The following TRIM63 variants were observed in gnomAD, a reference collection of about 807,000 sequenced individuals.
The protein encoded by TRIM63 is tripartite motif containing 63.
A neutral mutation model predicts 46.0 loss-of-function variants in TRIM63; 48 were observed. That is an observed-to-expected ratio of 1.04 (90% CI 0.83 to 1.33). The LOEUF (loss-of-function observed/expected upper bound fraction) is 1.33. Among genes scored for constraint, TRIM63 ranks in the 40% most tolerant of loss-of-function variants. TRIM63 has a pLI of 0.00. For missense variants in TRIM63, 455 were observed against 441.2 expected (o/e 1.03, Z -0.28); for synonymous variants, 175 against 162.8 (o/e 1.08, Z -0.57).
intron 2 of TRIM63, among the ~76,000 whole-genome samples, chr1:26,062,489 G>T (rs919566521): frequency 9.2e-5 from 14 of 152,082 alleles, no homozygotes; most frequent in African/African-American, 2.9e-4. Flanking sequence ...CCCTCTCTGA[G>T]CCATGAGGTT....
intron 4 of TRIM63, among the ~76,000 whole-genome samples, chr1:26,059,103 C>T (rs1457407989): frequency 6.7e-6 from 1 of 148,466 alleles, no homozygotes; most frequent in Non-Finnish European, 1.5e-5. Flanking sequence ...TGGCTCACTG[C>T]AACCTCCACC....
intron 3 of TRIM63, 147 bp downstream of exon 3, chr1:26,061,019 C>T: frequency 1.1e-6 from 1 of 901,122 alleles, no homozygotes; most frequent in Non-Finnish European, 1.7e-6. Flanking sequence ...GCCAGGGCTG[C>T]TGTCCCTGTG....
At chr1:26,053,311 G>A (rs2050538738) in intron 8 of TRIM63, among the ~76,000 whole-genome samples, 1 of 152,116 alleles carries the variant, frequency 6.6e-6, no homozygotes, top group African/African-American at 2.4e-5. Context: ...GGAGTGCAGT[G>A]GCACGATCTC....
chr1:26,061,382 T>A, intron 2 of TRIM63, 48 bp from the exon 3 acceptor site: 1 of 1,589,118 alleles, frequency 6.3e-7, no homozygotes, highest in Non-Finnish European at 8.6e-7. Context: ...TGTCCCTGCA[T>A]CCCCCTCCCC....
At chr1:26,058,988 C>T (rs1402180848) in intron 4 of TRIM63, among the ~76,000 whole-genome samples, 4 of 151,748 alleles carry the variant, frequency 2.6e-5, no homozygotes, top group Non-Finnish European at 5.9e-5. Flanking sequence ...CAACAGTCAC[C>T]CAATGTGGGA....
intron 7 of TRIM63, among the ~76,000 whole-genome samples, chr1:26,055,656 C>T (rs1450726149): frequency 6.6e-6 from 1 of 152,116 alleles, no homozygotes; most frequent in African/African-American, 2.4e-5. Context: ...GGATTACAGG[C>T]ATGCACCACC....
intron 3 of TRIM63, 101 bp from the exon 4 acceptor site, chr1:26,060,462 G>C (rs746744622): frequency 1.2e-6 from 1 of 827,026 alleles, no homozygotes; most frequent in African/African-American, 1.7e-5. Context: ...TCCCCTCTCT[G>C]CTAGAAAGAG....
chr1:26,060,702 G>A (rs1322191552), intron 3 of TRIM63, among the ~76,000 whole-genome samples: 1 of 152,226 alleles, frequency 6.6e-6, no homozygotes, highest in African/African-American at 2.4e-5. Flanking sequence ...AGAGAAGAGT[G>A]GGGAGTAGGG....
intron 2 of TRIM63, among the ~76,000 whole-genome samples, chr1:26,062,695 C>T (rs113291142): frequency 7.4e-4 from 112 of 152,358 alleles, no homozygotes; most frequent in African/African-American, 2.5e-3. Flanking sequence ...TTGAGACCTC[C>T]AACCTGTTAT....
chr1:26,051,760 C>A lies in TRIM63; in HGVS notation c.*113G>T. The A allele has an allele frequency of 1.3e-6, 1 of 798,414 alleles. No individual in the cohort carries two copies. The allele number at this position is 798,414 out of a possible 1,614,324, so 49.5% of individuals were successfully genotyped here. A position where few individuals can be genotyped will look rare whatever the true frequency, so the allele number is the denominator to read the frequency against. On this transcript the variant is annotated 3_prime_UTR_variant, in exon 9 of 9. Transcript: ENST00000374272. Reference sequence around the variant, plus strand: ...GAGAGAAGACATCACCTCCCCATTGCCCCTCCAGGGGCCCCGACCCCTCCC... The same window carrying A: ...GAGAGAAGACATCACCTCCCCATTGACCCTCCAGGGGCCCCGACCCCTCCC...
intron 2 of TRIM63, among the ~76,000 whole-genome samples, chr1:26,064,084 T>G (rs191108674): frequency 1.3e-4 from 20 of 152,192 alleles, no homozygotes; most frequent in African/African-American, 4.8e-4. Flanking sequence ...TTACCTGAGG[T>G]CAGAAGTTCA....
chr1:26,053,775 G>T (rs999123469), intron 8 of TRIM63, 118 bp downstream of exon 8: 2 of 761,264 alleles, frequency 2.6e-6, no homozygotes, highest in African/African-American at 1.8e-5. Context: ...GCACGTGCTG[G>T]GGACAGTTCT....
At chr1:26,053,687 A>G (rs2050542310) in intron 8 of TRIM63, among the ~76,000 whole-genome samples, 1 of 152,190 alleles carries the variant, frequency 6.6e-6, no homozygotes, top group African/African-American at 2.4e-5. Flanking sequence ...AAATGGGAGC[A>G]TTTTATTATG....
intron 2 of TRIM63, 76 bp downstream of exon 2, chr1:26,066,192 G>A (rs1315110529): frequency 5.9e-6 from 9 of 1,522,732 alleles, no homozygotes; most frequent in Admixed American, 3.4e-5. Flanking sequence ...GATGAAGGAG[G>A]GGGAAGGAGC....
chr1:26,066,171 GA>G, intron 2 of TRIM63, 96 bp downstream of exon 2: 1 of 1,393,568 alleles, frequency 7.2e-7, no homozygotes, highest in Admixed American at 1.7e-5. Context: ...TAGAGGCCTG[GA>G]TCCTGAGCAG....
chr1:26,052,356 A>G (rs1433806031), intron 8 of TRIM63, among the ~76,000 whole-genome samples: 1 of 152,050 alleles, frequency 6.6e-6, no homozygotes, highest in Non-Finnish European at 1.5e-5. Flanking sequence ...AGGCTGGCAA[A>G]CTCAGATGCC....
chr1:26,053,485 G>T (rs1476831802), intron 8 of TRIM63, among the ~76,000 whole-genome samples: 1 of 152,180 alleles, frequency 6.6e-6, no homozygotes, highest in Non-Finnish European at 1.5e-5. Context: ...GCCTCCCCAA[G>T]TGCTGGGATT....
intron 2 of TRIM63, among the ~76,000 whole-genome samples, chr1:26,065,945 C>T (rs2997443): frequency 0.024 from 3,692 of 152,290 alleles, 133 homozygotes; most frequent in African/African-American, 0.079. Flanking sequence ...TGTTTCTCAC[C>T]GGGCATTTTC....
At chr1:26,059,208 G>C (rs1045190662) in intron 4 of TRIM63, among the ~76,000 whole-genome samples, 1 of 151,908 alleles carries the variant, frequency 6.6e-6, no homozygotes, top group Non-Finnish European at 1.5e-5. Flanking sequence ...ATTTTTAGTA[G>C]AGATGGGGTT....
Sources: gnomAD v4.1 joint callset for allele counts (sites outside exome capture counted in the v4.1 genomes callset) on GRCh38, gnomAD v4.1.1 for gene constraint, MANE v1.5 for transcripts, NCBI Gene and HGNC (gene_info 2026-07-23, HGNC 2026-07-21) for gene names.